Variants in TEX15 observed in about 807,000 individuals in gnomAD.
TEX15 encodes testis-expressed protein 15.
A neutral mutation model predicts 237.3 loss-of-function variants in TEX15; 171 were observed. The observed-to-expected ratio is 0.72, with a 90% CI of 0.64 to 0.82. TEX15 has a LOEUF of 0.82. Ranked by LOEUF, TEX15 falls within the 40% of genes least tolerant of loss-of-function variation. The pLI, the probability that TEX15 is intolerant of heterozygous loss-of-function variation, is 0.00. For missense variants in TEX15, 3,750 were observed against 3,646.5 expected (o/e 1.03, Z -0.73); for synonymous variants, 1,338 against 1,269.8 (o/e 1.05, Z -1.14).
At chr8:30,879,211 C>A (rs1808468664) in intron 3 of TEX15, among the ~76,000 whole-genome samples, 1 of 151,934 alleles carries the variant, frequency 6.6e-6, no homozygotes, top group African/African-American at 2.4e-5. Context: ...TCTGCAAATG[C>A]TTTTTTCCCC....
At chr8:30,889,969 G>GTATATATATATATATA (rs1808764671) in intron 2 of TEX15, among the ~76,000 whole-genome samples, 1 of 101,764 alleles carries the variant, frequency 9.8e-6, no homozygotes, top group African/African-American at 4.9e-5. Context: ...ATATATATAT[G>GTATATATATATATATA]TATAAGTAAA....
Position 30,846,320 on chromosome 8 carries a change from T to C in TEX15, c.3847A>G (p.Lys1283Glu). The C allele has an allele frequency of 2.5e-6, 4 of 1,612,930 alleles. No homozygotes were observed. Among genetic ancestry groups the C allele is most frequent in the Non-Finnish European group, 3.4e-6 (4 of 1,179,616 alleles). Residue 1283 changes from lysine to glutamate, a missense_variant, in exon 8 of 11, where the codon AAA (lysine) becomes GAA (glutamate). Lys to Glu is a moderately conservative substitution (Grantham distance 56). Coordinates refer to ENST00000643185, the MANE Select transcript of TEX15 (RefSeq NM_001350162.2). The part of the protein sequence containing the change: ...DGSRCFFTKS[K>E]TDYNDTKNKK... Reference sequence around the variant, plus strand: ...TTTTTGGTATCATTATAGTCAGTTTTTGATTTTGTAAAGAAACATCTGCTT... The same window carrying C: ...TTTTTGGTATCATTATAGTCAGTTTCTGATTTTGTAAAGAAACATCTGCTT...
At chr8:30,862,238 G>C (rs1808066199) in intron 5 of TEX15, among the ~76,000 whole-genome samples, 1 of 152,100 alleles carries the variant, frequency 6.6e-6, no homozygotes, top group African/African-American at 2.4e-5. Context: ...TAGCATTTAG[G>C]AGTGTAAAAA....
chr8:30,880,747 G>A (rs1440786913), intron 3 of TEX15, among the ~76,000 whole-genome samples: 1 of 145,360 alleles, frequency 6.9e-6, no homozygotes, highest in Non-Finnish European at 1.5e-5. Context: ...TAAAAGTTAA[G>A]TTCTGGGGGA....
chr8:30,849,515 A>C (rs1202221624), intron 7 of TEX15, among the ~76,000 whole-genome samples, 199 bp from the exon 8 acceptor site: 2 of 152,226 alleles, frequency 1.3e-5, no homozygotes, highest in Non-Finnish European at 2.9e-5. Context: ...ACGTAGCATG[A>C]AATTCTCCTC....
intron 3 of TEX15, among the ~76,000 whole-genome samples, chr8:30,881,636 T>A (rs186707165): frequency 8.4e-5 from 12 of 143,218 alleles, no homozygotes; most frequent in East Asian, 3.9e-4. Context: ...ATTATTTTTT[T>A]TTTTTGAGAC....
rs371859968 is a variant in TEX15, at chr8:30,843,960, A to G, written c.6207T>C (p.Ala2069=). 1.9e-6 allele frequency: 3 copies of G among 1,613,050 alleles called. No homozygotes were observed. Among genetic ancestry groups the G allele is most frequent in the Non-Finnish European group, 2.5e-6 (3 of 1,179,682 alleles). Residue 2069 remains alanine, a synonymous_variant, in exon 8 of 11, where the codon GCT becomes GCC. Coordinates refer to ENST00000643185, the MANE Select transcript of TEX15 (RefSeq NM_001350162.2). Reference sequence around the variant, plus strand: ...TTTGAAGTTCTACCAAAGTGTCAACAGCACATGGTTTTAATGTGTGTTTGC... The same window carrying G: ...TTTGAAGTTCTACCAAAGTGTCAACGGCACATGGTTTTAATGTGTGTTTGC... ...NNCKHTLKPC[A]VDTLVELQMM...
chr8:30,875,280 T>A (rs1262746908), intron 3 of TEX15, among the ~76,000 whole-genome samples, 178 bp from the exon 4 acceptor site: 1 of 152,200 alleles, frequency 6.6e-6, no homozygotes. Flanking sequence ...CTATACTTGA[T>A]ATAAATGAAA....
intron 5 of TEX15, among the ~76,000 whole-genome samples, chr8:30,864,618 G>GAA (rs200930589): frequency 5.9e-4 from 48 of 81,420 alleles, no homozygotes; most frequent in African/African-American, 1.5e-3. Context: ...TCCCAGACCA[G>GAA]AAAAAAAAAA....
chr8:30,837,702 T>G lies in TEX15; in HGVS notation c.8582A>C (p.Gln2861Pro). ...TFSPDHGTLL[Q>P]KFLKNSPDPT... Reference sequence around the variant, plus strand: ...ATCTGGGGAATTTTTAAGAAATTTCTGCAAAAGCGTCCCATGGTCTGGTGA... The same window carrying G: ...ATCTGGGGAATTTTTAAGAAATTTCGGCAAAAGCGTCCCATGGTCTGGTGA... Residue 2861 changes from glutamine to proline, a missense_variant, in exon 10 of 11, where the codon CAG (glutamine) becomes CCG (proline). Physicochemically the swap from Gln to Pro is moderately conservative, Grantham distance 76. Coordinates refer to ENST00000643185, the MANE Select transcript of TEX15 (RefSeq NM_001350162.2). 3 of 1,613,988 alleles carry G rather than the reference T, an allele frequency of 1.9e-6. No individual in the cohort carries two copies. The highest frequency in any genetic ancestry group is 2.5e-6 in the Non-Finnish European group (3 of 1,179,944).
In TEX15 at chr8:30,837,105, G is replaced by A. The variant is rs1394035105; in HGVS notation, c.9179C>T (p.Thr3060Ile). 1.9e-6 allele frequency: 3 copies of A among 1,614,128 alleles called. No individual in the cohort carries two copies. The highest frequency in any genetic ancestry group is 1.1e-5 in the South Asian group (1 of 91,080). Reference protein sequence around the residue: ...SNSNGNAITQTYQGITSYEVQ... With the variant: ...SNSNGNAITQIYQGITSYEVQ... Reference sequence around the variant, plus strand: ...TTCATATGATGTTATCCCTTGGTATGTCTGGGTAATGGCATTGCCATTGCT... The same window carrying A: ...TTCATATGATGTTATCCCTTGGTATATCTGGGTAATGGCATTGCCATTGCT... The change falls in exon 10 of 11, where the codon ACA becomes ATA. Residue 3060 changes from threonine to isoleucine, a missense_variant. Physicochemically the swap from Thr to Ile is moderately conservative, Grantham distance 89. Transcript: ENST00000643185.
chr8:30,885,037 G>T lies in TEX15; in HGVS notation c.136+2130C>A, dbSNP rs142966868. 5.7e-3 allele frequency among the ~76,000 whole-genome samples: 868 copies of T among 152,034 alleles called. 9 individuals carry two copies. The highest frequency in any genetic ancestry group is 0.019 in the African/African-American group (804 of 41,470). On this transcript the variant is annotated intron_variant, in intron 3 of 10. Coordinates refer to ENST00000643185, the MANE Select transcript of TEX15 (RefSeq NM_001350162.2). The stretch of plus-strand genomic sequence containing the variant: ...TGTTTTCCTTTTCATTTAGTTCAAG[G>T]TATTTTAACATTTCTCCTGAGATTT...
In TEX15 at chr8:30,837,336, T is replaced by C. The variant is rs1200449769; in HGVS notation, c.8948A>G (p.His2983Arg). The part of the protein sequence containing the change: ...NTVHTFGASG[H>R]ITLNVNQGAE... Reference sequence around the variant, plus strand: ...TCCTTGATTCACATTAAGGGTTATATGCCCAGATGCTCCAAAAGTATGCAC... The same window carrying C: ...TCCTTGATTCACATTAAGGGTTATACGCCCAGATGCTCCAAAAGTATGCAC... The change falls in exon 10 of 11, where the codon CAT (histidine) becomes CGT (arginine). Residue 2983 changes from histidine (H) to arginine (R), a missense_variant. By Grantham distance (29) the His-to-Arg change is conservative. Coordinates refer to ENST00000643185, the MANE Select transcript of TEX15 (RefSeq NM_001350162.2). 1.2e-5 allele frequency: 20 copies of C among 1,614,084 alleles called. No individual in the cohort carries two copies. Among genetic ancestry groups the C allele is most frequent in the Non-Finnish European group, 1.2e-5 (14 of 1,180,042 alleles).
At chr8:30,863,218 G>A (rs1808089280) in intron 5 of TEX15, among the ~76,000 whole-genome samples, 1 of 152,106 alleles carries the variant, frequency 6.6e-6, no homozygotes, top group Admixed American at 6.5e-5. Flanking sequence ...AACCCTAAAT[G>A]CTCCAATTAG....
chr8:30,883,989 G>A (rs1218330705), intron 3 of TEX15, among the ~76,000 whole-genome samples: 3 of 152,074 alleles, frequency 2.0e-5, no homozygotes, highest in South Asian at 4.1e-4. Context: ...GGGATCAAGC[G>A]TTCCTCCCAC....
chr8:30,878,390 ATTTTAT>A (rs1432159155), intron 3 of TEX15, among the ~76,000 whole-genome samples: 1 of 151,686 alleles, frequency 6.6e-6, no homozygotes, highest in African/African-American at 2.4e-5. Flanking sequence ...TTATTTATTT[ATTTTAT>A]TTTTGAGACG....
chr8:30,864,435 T>C (rs1046169605), intron 5 of TEX15, among the ~76,000 whole-genome samples: 8 of 151,148 alleles, frequency 5.3e-5, no homozygotes, highest in African/African-American at 1.9e-4. Context: ...CCAAATCTGA[T>C]GAAAGACATA....
At chr8:30,903,092 C>A (rs1454499960) in intron 1 of TEX15, among the ~76,000 whole-genome samples, 2 of 152,114 alleles carry the variant, frequency 1.3e-5, no homozygotes, top group Non-Finnish European at 2.9e-5. Context: ...AAACTAGAAG[C>A]CAAAACTGGC....
intron 10 of TEX15, 142 bp from the exon 11 acceptor site, chr8:30,833,465 A>G (rs1392558825): frequency 5.5e-6 from 3 of 548,340 alleles, no homozygotes; most frequent in Non-Finnish European, 9.4e-6. Flanking sequence ...TAGGGTCATC[A>G]GGTCCTATGA....
Sources: gnomAD v4.1 joint callset for allele counts (sites outside exome capture counted in the v4.1 genomes callset) on GRCh38, gnomAD v4.1.1 for gene constraint, MANE v1.5 for transcripts, NCBI Gene and HGNC (gene_info 2026-07-23, HGNC 2026-07-21) for gene names.